Variants in SYNDIG1 observed in about 807,000 individuals in gnomAD.
The protein encoded by SYNDIG1 is synapse differentiation-inducing gene protein 1.
In SYNDIG1, 9 loss-of-function variants were observed where a neutral mutation model predicts 19.4. That is an observed-to-expected ratio of 0.46 (90% CI 0.28 to 0.81). The LOEUF (loss-of-function observed/expected upper bound fraction) is 0.81, where lower values mean the gene tolerates loss of function less well. Among genes scored for constraint, SYNDIG1 ranks in the 30% least tolerant of loss-of-function variants. The pLI is 0.12. For missense variants in SYNDIG1, 311 were observed against 343.3 expected (o/e 0.91, Z 0.74); for synonymous variants, 141 against 145.9 (o/e 0.97, Z 0.24).
At chr20:24,565,688 C>T (rs2058031602) in intron 2 of SYNDIG1, among the ~76,000 whole-genome samples, 1 of 152,190 alleles carries the variant, frequency 6.6e-6, no homozygotes, top group Non-Finnish European at 1.5e-5. Flanking sequence ...CAGCAGATCA[C>T]CCGACAGCTC....
chr20:24,487,776 A>G (rs2056009956), intron 1 of SYNDIG1, among the ~76,000 whole-genome samples: 1 of 152,154 alleles, frequency 6.6e-6, no homozygotes. Flanking sequence ...AGCCCTTGGC[A>G]CTGTGACATT....
rs1294484713 is a variant in SYNDIG1, at chr20:24,507,302, G to A, written c.-78-35718G>A. On this transcript the variant is annotated intron_variant, in intron 1 of 3. Coordinates refer to ENST00000376862, the MANE Select transcript of SYNDIG1 (RefSeq NM_024893.3). ...GAGGATGCTGCCAGGGCTTGCCCAG[G>A]GATGAGAGCTGAGACACACAGCCGG... 5.9e-5 allele frequency among the ~76,000 whole-genome samples: 9 copies of A among 152,230 alleles called. No homozygotes were observed. In the South Asian group the frequency reaches 1.2e-3, roughly 21 times the overall value.
chr20:24,630,759 C>G (rs938675959), intron 3 of SYNDIG1, among the ~76,000 whole-genome samples: 1 of 152,224 alleles, frequency 6.6e-6, no homozygotes, highest in Non-Finnish European at 1.5e-5. Context: ...TTGGGCCACC[C>G]CTGCTGGGAA....
intron 3 of SYNDIG1, among the ~76,000 whole-genome samples, chr20:24,614,245 C>T (rs566371152): frequency 4.7e-4 from 71 of 152,312 alleles, no homozygotes; most frequent in African/African-American, 1.7e-3. Context: ...CTTAAATGAT[C>T]CTCCCACCTC....
At chr20:24,610,707 A>T (rs190846864) in intron 3 of SYNDIG1, among the ~76,000 whole-genome samples, 52 of 152,330 alleles carry the variant, frequency 3.4e-4, no homozygotes, top group East Asian at 3.3e-3. Flanking sequence ...TGATGAGCTG[A>T]TGAGTCTGGA....
chr20:24,635,529 G>A (rs901203823), intron 3 of SYNDIG1, among the ~76,000 whole-genome samples: 4 of 152,200 alleles, frequency 2.6e-5, no homozygotes, highest in African/African-American at 9.7e-5. Flanking sequence ...GGGTCTCTGT[G>A]CTGGTTGGGT....
rs6083559 is a variant in SYNDIG1 at position 24,566,742 on chromosome 20, G to A, written c.481-18114G>A. ...AAGGAGCCACCCTGAGTGATGCCCC[G>A]TCCAAAGCCCTCTCCCAAGTCCGTC... On this transcript the variant is annotated intron_variant, in intron 2 of 3. Coordinates refer to ENST00000376862, the MANE Select transcript of SYNDIG1 (RefSeq NM_024893.3). Among the ~76,000 whole-genome samples the A allele has an allele frequency of 2.9e-3, 443 of 152,272 alleles. 1 individual carries two copies. Among genetic ancestry groups the A allele is most frequent in the Admixed American group, 4.8e-3 (74 of 15,300 alleles).
intron 3 of SYNDIG1, among the ~76,000 whole-genome samples, chr20:24,634,190 G>A (rs541490816): frequency 2.6e-5 from 4 of 152,258 alleles, no homozygotes; most frequent in South Asian, 2.1e-4. Flanking sequence ...TGATTTACAC[G>A]TAGAAGACCA....
chr20:24,486,637 CATTT>C (rs962598177), intron 1 of SYNDIG1, among the ~76,000 whole-genome samples: 2 of 151,382 alleles, frequency 1.3e-5, no homozygotes. Context: ...TTCTTTCTTT[CATTT>C]ATTTATTTAT....
chr20:24,486,620 C>A (rs1568575025), intron 1 of SYNDIG1, among the ~76,000 whole-genome samples: 1 of 151,408 alleles, frequency 6.6e-6, no homozygotes, highest in African/African-American at 2.4e-5. Flanking sequence ...GTCTCCATTT[C>A]TTTTTTTTCT....
intron 1 of SYNDIG1, among the ~76,000 whole-genome samples, chr20:24,521,974 A>G (rs970429167): frequency 1.3e-5 from 2 of 151,732 alleles, no homozygotes; most frequent in Non-Finnish European, 2.9e-5. Flanking sequence ...GGCCCCTAAC[A>G]TATCACTTCA....
chr20:24,661,521 G>A (rs867119540), intron 3 of SYNDIG1, among the ~76,000 whole-genome samples: 11 of 2,276 alleles, frequency 4.8e-3, no homozygotes, highest in Non-Finnish European at 8.7e-3. Flanking sequence ...GAAGGAGGGA[G>A]GGAGGAAAAA....
intron 2 of SYNDIG1, among the ~76,000 whole-genome samples, chr20:24,567,104 T>A (rs2058058114): frequency 6.6e-6 from 1 of 152,162 alleles, no homozygotes; most frequent in Non-Finnish European, 1.5e-5. Flanking sequence ...TCCTTGTCTG[T>A]CTCACAGCCA....
intron 1 of SYNDIG1, among the ~76,000 whole-genome samples, chr20:24,470,051 C>G (rs2055374916): frequency 6.6e-6 from 1 of 152,148 alleles, no homozygotes; most frequent in Non-Finnish European, 1.5e-5. Context: ...CACCTTGGTG[C>G]CTTGCCACCC....
At chr20:24,481,108 T>TTG (rs908042465) in intron 1 of SYNDIG1, among the ~76,000 whole-genome samples, 22 of 151,920 alleles carry the variant, frequency 1.4e-4, no homozygotes, top group Admixed American at 7.9e-4. Context: ...AAATTTTATG[T>TTG]TGTGTGTGTG....
intron 2 of SYNDIG1, among the ~76,000 whole-genome samples, chr20:24,578,452 AAAAG>A (rs1281217524): frequency 4.7e-4 from 70 of 149,794 alleles, no homozygotes; most frequent in Non-Finnish European, 7.9e-4. Flanking sequence ...AAAAAAAAAA[AAAAG>A]AAAGAAAGAA....
intron 3 of SYNDIG1, 63 bp downstream of exon 3, chr20:24,585,056 G>GGGGGGGGCCC: frequency 3.7e-6 from 2 of 545,656 alleles, no homozygotes; most frequent in Non-Finnish European, 6.9e-6. Flanking sequence ...GGTGGGGGCG[G>GGGGGGGGCCC]CAATCCCAGC....
rs534100220 is a variant in SYNDIG1, at chr20:24,585,000, C to T, written c.618+7C>T. 1 of 1,608,074 alleles carries T rather than the reference C, an allele frequency of 6.2e-7. No individual in the cohort carries two copies. The highest frequency in any genetic ancestry group is 1.7e-5 in the Admixed American group (1 of 59,622). The stretch of plus-strand genomic sequence containing the variant: ...CTTCTACTTGTCCCATGAGGTAAGG[C>T]CTCCTTGGTCTGTCGCACGTGGTGT... On this transcript the variant is annotated splice_region_variant and intron_variant, in intron 3 of 3. Coordinates refer to ENST00000376862, the MANE Select transcript of SYNDIG1 (RefSeq NM_024893.3).
chr20:24,548,199 C>A (rs1483920100), intron 2 of SYNDIG1, among the ~76,000 whole-genome samples: 2 of 152,192 alleles, frequency 1.3e-5, no homozygotes, highest in African/African-American at 2.4e-5. Flanking sequence ...TGCTGTCAGC[C>A]CTTGGATCTG....
Sources: allele counts gnomAD v4.1 joint callset (sites outside exome capture counted in the v4.1 genomes callset), GRCh38; gene constraint gnomAD v4.1.1; transcripts MANE v1.5; gene names NCBI Gene and HGNC (gene_info 2026-07-23, HGNC 2026-07-21).